The following SIPA1L3 variants were observed in gnomAD, a reference collection of about 807,000 sequenced individuals.
SIPA1L3 encodes signal-induced proliferation-associated 1-like protein 3.
SIPA1L3 carries 59 observed loss-of-function variants against 150.1 expected under a neutral mutation model. The ratio of observed to expected loss-of-function variants is 0.39; its 90% CI spans 0.32 to 0.49. SIPA1L3 has a LOEUF of 0.49. Ranked by LOEUF, SIPA1L3 falls within the 20% of genes least tolerant of loss-of-function variation. The pLI, the probability that SIPA1L3 is intolerant of heterozygous loss-of-function variation, is 0.86. For missense variants in SIPA1L3, 2,211 were observed against 2,489.5 expected (o/e 0.89, Z 2.38); for synonymous variants, 1,070 against 1,077.6 (o/e 0.99, Z 0.14).
chr19:37,930,928 T>C (rs1013373174), intron 1 of SIPA1L3, among the ~76,000 whole-genome samples: 6 of 149,874 alleles, frequency 4.0e-5, no homozygotes, highest in Non-Finnish European at 8.9e-5. Flanking sequence ...CACAGGGGAC[T>C]ATAAGCTCCC....
At chr19:37,998,861 GCT>G (rs1393558399) in intron 1 of SIPA1L3, among the ~76,000 whole-genome samples, 1 of 152,066 alleles carries the variant, frequency 6.6e-6, no homozygotes, top group Non-Finnish European at 1.5e-5. Context: ...AATAGATGAA[GCT>G]AATATGGCAG....
intron 6 of SIPA1L3, among the ~76,000 whole-genome samples, chr19:38,103,455 C>T (rs1032532951): frequency 2.0e-5 from 3 of 151,844 alleles, no homozygotes; most frequent in Admixed American, 6.6e-5. Flanking sequence ...AGTGAAACCC[C>T]GTCTCTACTA....
chr19:37,972,852 G>A (rs1323951861), intron 1 of SIPA1L3, among the ~76,000 whole-genome samples: 1 of 152,134 alleles, frequency 6.6e-6, no homozygotes, highest in East Asian at 1.9e-4. Context: ...AAATAAAGAG[G>A]TAATTCTGCC....
At chr19:38,124,379 G>A (rs1971117007) in intron 9 of SIPA1L3, among the ~76,000 whole-genome samples, 1 of 150,334 alleles carries the variant, frequency 6.7e-6, no homozygotes, top group Admixed American at 6.6e-5. Flanking sequence ...GCGGGGCAGA[G>A]GCGCTCCCCA....
At position 38,083,004 on chromosome 19, in the gene SIPA1L3, A is replaced by G. The variant is rs1408697411; in HGVS notation, c.1439A>G (p.Lys480Arg). 4.3e-6 allele frequency: 7 copies of G among 1,613,128 alleles called. No homozygotes were observed. Among genetic ancestry groups the G allele is most frequent in the Non-Finnish European group, 5.1e-6 (6 of 1,179,944 alleles). ...NASISVLEVP[K>R]EQQRTQSRPR... ...AGCATCTCGGTGTTGGAAGTTCCCAAGGAGCAGCAGCGGACGCAGAGTCGG... is the reference window on the plus strand; with the variant it reads ...AGCATCTCGGTGTTGGAAGTTCCCAGGGAGCAGCAGCGGACGCAGAGTCGG... Residue 480 changes from lysine (K) to arginine (R), a missense_variant, in exon 3 of 22, where the codon AAG becomes AGG. Lys to Arg is a conservative substitution (Grantham distance 26). Coordinates refer to ENST00000222345, the MANE Select transcript of SIPA1L3 (RefSeq NM_015073.3).
At chr19:38,137,652 T>C (rs1971464465) in intron 10 of SIPA1L3, among the ~76,000 whole-genome samples, 1 of 152,164 alleles carries the variant, frequency 6.6e-6, no homozygotes, top group South Asian at 2.1e-4. Flanking sequence ...ATTTTAATTA[T>C]TATTTAGTTA....
At chr19:38,021,761 G>T (rs1968377565) in intron 1 of SIPA1L3, among the ~76,000 whole-genome samples, 1 of 152,108 alleles carries the variant, frequency 6.6e-6, no homozygotes, top group African/African-American at 2.4e-5. Flanking sequence ...GCCCAGGCTG[G>T]TCTCTAACTC....
At chr19:38,116,733 A>C (rs531991938) in intron 8 of SIPA1L3, among the ~76,000 whole-genome samples, 1 of 152,176 alleles carries the variant, frequency 6.6e-6, no homozygotes, top group African/African-American at 2.4e-5. Flanking sequence ...GCACGCCTGT[A>C]ATCCCAGTTA....
Position 38,206,142 on chromosome 19 carries a change from C to A in SIPA1L3, c.5248C>A (p.Arg1750=), listed in dbSNP as rs1261792226. The part of the protein sequence containing the change: ...VVLQSEVASL[R]QNNQRLQEES... Reference sequence around the variant, plus strand: ...GCTCCAGTCAGAGGTGGCCAGCCTGCGGCAGAACAACCAGCGGCTGCAGGA... The same window carrying A: ...GCTCCAGTCAGAGGTGGCCAGCCTGAGGCAGAACAACCAGCGGCTGCAGGA... Residue 1750 remains arginine, a synonymous_variant, in exon 22 of 22, where the codon CGG becomes AGG. Coordinates refer to ENST00000222345, the MANE Select transcript of SIPA1L3 (RefSeq NM_015073.3). The A allele has an allele frequency of 1.7e-5, 26 of 1,550,906 alleles. No homozygotes were observed. Among genetic ancestry groups the A allele is most frequent in the Non-Finnish European group, 2.3e-5 (26 of 1,146,782 alleles).
In SIPA1L3 at chr19:37,957,581, A is replaced by T. The variant is rs539592943; in HGVS notation, c.-379+50223A>T. On this transcript the variant is annotated intron_variant, in intron 1 of 21. Coordinates refer to ENST00000222345, the MANE Select transcript of SIPA1L3 (RefSeq NM_015073.3). ...TTTCTTTTTTCTTTTCTTTTGAGAC[A>T]GGATCTCACTGTTACCCAGTCTGGA... is the stretch of plus-strand genomic sequence containing the variant. Among the ~76,000 whole-genome samples the T allele has an allele frequency of 1.4e-4, 21 of 150,602 alleles. 1 individual carries two copies. Among genetic ancestry groups the T allele is most frequent in the South Asian group, 8.4e-4 (4 of 4,776 alleles).
At chr19:38,068,189 AT>A (rs1371038132) in intron 2 of SIPA1L3, among the ~76,000 whole-genome samples, 1 of 151,382 alleles carries the variant, frequency 6.6e-6, no homozygotes, top group Non-Finnish European at 1.5e-5. Context: ...TGCCCGGCTG[AT>A]TTTTTTTCTT....
chr19:38,074,533 C>T (rs1394711380), intron 2 of SIPA1L3, among the ~76,000 whole-genome samples: 1 of 152,264 alleles, frequency 6.6e-6, no homozygotes. Context: ...GCCATCATCC[C>T]AGCTTGACCT....
chr19:38,103,725 C>T (rs1970558369), intron 6 of SIPA1L3, among the ~76,000 whole-genome samples: 1 of 150,906 alleles, frequency 6.6e-6, no homozygotes, highest in Admixed American at 6.6e-5. Context: ...AGATCGAGAC[C>T]ATCCTGGCTA....
intron 1 of SIPA1L3, among the ~76,000 whole-genome samples, chr19:37,946,385 G>A (rs536135782): frequency 2.6e-5 from 4 of 152,054 alleles, no homozygotes; most frequent in East Asian, 1.9e-4. Context: ...CTCCCCCATC[G>A]GCCTCCCAAA....
At chr19:38,142,857 G>T (rs1208832209) in intron 12 of SIPA1L3, 147 bp downstream of exon 12, 2 of 1,048,230 alleles carry the variant, frequency 1.9e-6, no homozygotes, top group Non-Finnish European at 2.7e-6. Context: ...GCCCCATGGG[G>T]TGGTTATGTC....
At chr19:38,126,513 T>C (rs1971176372) in intron 9 of SIPA1L3, among the ~76,000 whole-genome samples, 1 of 152,060 alleles carries the variant, frequency 6.6e-6, no homozygotes, top group Non-Finnish European at 1.5e-5. Context: ...TTAATGTTAG[T>C]GTATTTCATG....
chr19:38,153,098 A>G, intron 13 of SIPA1L3, 131 bp downstream of exon 13: 1 of 1,199,282 alleles, frequency 8.3e-7, no homozygotes, highest in Non-Finnish European at 1.1e-6. Context: ...TGTAAGCGCC[A>G]CATGTAAGAC....
chr19:37,951,875 G>A (rs546982570), intron 1 of SIPA1L3, among the ~76,000 whole-genome samples: 3 of 136,338 alleles, frequency 2.2e-5, no homozygotes, highest in Admixed American at 7.8e-5. Flanking sequence ...CCAGCCTGGC[G>A]ACAGAGCAAG....
chr19:37,926,997 AG>A (rs906685808), intron 1 of SIPA1L3, among the ~76,000 whole-genome samples: 5 of 152,042 alleles, frequency 3.3e-5, no homozygotes, highest in Non-Finnish European at 2.9e-5. Context: ...AGCTAAAAAA[AG>A]GTGGTGGCAT....
Sources: allele counts gnomAD v4.1 joint callset (sites outside exome capture counted in the v4.1 genomes callset), GRCh38; gene constraint gnomAD v4.1.1; transcripts MANE v1.5; gene names NCBI Gene and HGNC (gene_info 2026-07-23, HGNC 2026-07-21).